CTRB1: variants seen among roughly 807,000 people sequenced by gnomAD.
CTRB1 encodes the protein chymotrypsinogen B1.
CTRB1 carries 15 observed loss-of-function variants against 20.4 expected under a neutral mutation model. The ratio of observed to expected loss-of-function variants is 0.74; its 90% CI spans 0.49 to 1.13. The LOEUF (loss-of-function observed/expected upper bound fraction) is 1.13. Among genes scored for constraint, CTRB1 ranks in the 50% most tolerant of loss-of-function variants. The pLI is 0.00. For missense variants in CTRB1, 227 were observed against 290.1 expected (o/e 0.78, Z 1.58); for synonymous variants, 92 against 128.4 (o/e 0.72, Z 1.92).
intron 1 of CTRB1, among the ~76,000 whole-genome samples, chr16:75,221,983 C>T (rs935506020): frequency 6.6e-6 from 1 of 150,658 alleles, no homozygotes; most frequent in African/African-American, 2.4e-5. Flanking sequence ...ATGGCGTGAA[C>T]CCAGGAGGCG....
chr16:75,219,095 A>G, intron 1 of CTRB1, 36 bp downstream of exon 1: 1 of 1,561,626 alleles, frequency 6.4e-7, no homozygotes, highest in South Asian at 1.2e-5. Flanking sequence ...GTCCTGAGGG[A>G]GCCCTGAGCC....
At chr16:75,222,688 AACCGGGAGAGCTGC>A in intron 1 of CTRB1, 66 bp from the exon 2 acceptor site, 1 of 1,456,042 alleles carries the variant, frequency 6.9e-7, no homozygotes, top group South Asian at 1.3e-5. Context: ...ACTGGGGTAG[AACCGGGAGAGCTGC>A]ACGCAGGCAG....
rs13334993 is a variant in CTRB1 at position 75,224,890 on chromosome 16, C to G, written c.*24C>G. The G allele has an allele frequency of 1.1e-3, 1,694 of 1,612,326 alleles. 19 individuals carry two copies. In the African/African-American group the frequency reaches 0.02, roughly 19 times the overall value. On this transcript the variant is annotated 3_prime_UTR_variant, in exon 7 of 7. Coordinates refer to ENST00000361017, the MANE Select transcript of CTRB1 (RefSeq NM_001906.6). ...GAGCCCGCGGCTCCCTCCGACCCTG[C>G]TCCCCACAGAGCCTCAGTAAACCCA...
intron 1 of CTRB1, among the ~76,000 whole-genome samples, chr16:75,221,420 C>T (rs941167488): frequency 6.6e-6 from 1 of 152,164 alleles, no homozygotes; most frequent in Non-Finnish European, 1.5e-5. Flanking sequence ...AGTGCAGTGG[C>T]ACGATCTCAG....
At position 75,224,137 on chromosome 16, in the gene CTRB1, G is replaced by T. The variant is rs2076714764; in HGVS notation, c.579G>T (p.Arg193Ser). Residue 193 changes from arginine (R) to serine (S), a missense_variant, in exon 6 of 7, where the codon AGG becomes AGT. This residue lies in a region of CTRB1 where 36 missense variants were observed against 51.6 expected (regional missense o/e 0.70). Transcript: ENST00000361017. ...NAECKKSWGR[R>S]ITDVMICAGA... ...AATGCAAGAAGTCCTGGGGCAGGAGGATCACCGACGTGATGATCTGTGCCG... is the reference window on the plus strand; with the variant it reads ...AATGCAAGAAGTCCTGGGGCAGGAGTATCACCGACGTGATGATCTGTGCCG... 6.8e-7 allele frequency: 1 copy of T among 1,460,164 alleles called. No individual in the cohort carries two copies. The highest frequency in any genetic ancestry group is 1.5e-5 in the African/African-American group (1 of 67,796). The allele number at this position is 1,460,164 out of a possible 1,614,324, so 90.5% of individuals were successfully genotyped here. A position where few individuals can be genotyped will look rare whatever the true frequency, so the allele number is the denominator to read the frequency against.
In CTRB1 at chr16:75,219,069, G is replaced by T; in HGVS notation, c.52+10G>T. ...GTGGGGGCCGCCTTTGGTGAGTGCT[G>T]GTGCCCGAGGGGTCTGTCCTGAGGG... On this transcript the variant is annotated intron_variant, in intron 1 of 6. Coordinates refer to ENST00000361017, the MANE Select transcript of CTRB1 (RefSeq NM_001906.6). 6.3e-7 allele frequency: 1 copy of T among 1,582,754 alleles called. No individual in the cohort carries two copies. The highest frequency in any genetic ancestry group is 2.3e-5 in the East Asian group (1 of 43,892).
intron 6 of CTRB1, among the ~76,000 whole-genome samples, chr16:75,224,397 C>T (rs1395074459): frequency 6.6e-6 from 1 of 152,224 alleles, no homozygotes; most frequent in Non-Finnish European, 1.5e-5. Context: ...AGCAGGACAG[C>T]GGGCTCCAGC....
At chr16:75,219,111 G>T (rs748890163) in intron 1 of CTRB1, 52 bp downstream of exon 1, 83 of 1,542,222 alleles carry the variant, frequency 5.4e-5, no homozygotes, top group Non-Finnish European at 6.8e-5. Flanking sequence ...GAGCCTGGCT[G>T]AGAGGGGGAT....
intron 1 of CTRB1, among the ~76,000 whole-genome samples, chr16:75,221,858 C>G (rs937760367): frequency 2.6e-5 from 4 of 151,280 alleles, no homozygotes; most frequent in East Asian, 2.0e-4. Context: ...GTCAGGAGAT[C>G]GAGACCATCC....
At chr16:75,219,672 C>T (rs1484895824) in intron 1 of CTRB1, among the ~76,000 whole-genome samples, 1 of 152,208 alleles carries the variant, frequency 6.6e-6, no homozygotes, top group East Asian at 1.9e-4. Context: ...GCATGAGCTA[C>T]TGTGCCCAGC....
chr16:75,220,503 C>T (rs2039068608), intron 1 of CTRB1, among the ~76,000 whole-genome samples: 1 of 152,136 alleles, frequency 6.6e-6, no homozygotes, highest in Non-Finnish European at 1.5e-5. Flanking sequence ...ATTATGTTGT[C>T]CAGGCTGGTC....
chr16:75,222,630 G>A (rs1338413265), intron 1 of CTRB1, 138 bp from the exon 2 acceptor site: 2 of 874,742 alleles, frequency 2.3e-6, no homozygotes, highest in Admixed American at 2.9e-5. Context: ...GGGGACCAGG[G>A]AGGCGGAGGC....
At chr16:75,220,688 T>G (rs2039070952) in intron 1 of CTRB1, among the ~76,000 whole-genome samples, 1 of 152,264 alleles carries the variant, frequency 6.6e-6, no homozygotes, top group Admixed American at 6.5e-5. Context: ...ACGTGGAGTT[T>G]CAGCTCATTC....
chr16:75,220,182 A>T (rs997461484), intron 1 of CTRB1, among the ~76,000 whole-genome samples: 14 of 141,934 alleles, frequency 9.9e-5, no homozygotes, highest in African/African-American at 3.6e-4. Context: ...TTTTTTTGTT[A>T]TTTTTTTTTC....
rs1467723743 is a variant in CTRB1, at chr16:75,219,030, C to A, written c.23C>A (p.Ser8Tyr). The A allele has an allele frequency of 6.3e-7, 1 of 1,592,858 alleles. No homozygotes were observed. The highest frequency in any genetic ancestry group is 2.3e-5 in the East Asian group (1 of 44,232). The change falls in exon 1 of 7, where the codon TCC (serine) becomes TAC (tyrosine). Residue 8 changes from serine to tyrosine, a missense_variant. Coordinates refer to ENST00000361017, the MANE Select transcript of CTRB1 (RefSeq NM_001906.6). Reference protein sequence around the residue: MASLWLLSCFSLVGAAFG... With the variant: MASLWLLYCFSLVGAAFG... ...GGCATGGCTTCCCTCTGGCTCCTCT[C>A]CTGCTTCTCCCTTGTGGGGGCCGCC... is the stretch of plus-strand genomic sequence containing the variant.
chr16:75,224,555 C>G, intron 6 of CTRB1, 150 bp from the exon 7 acceptor site: 2 of 940,388 alleles, frequency 2.1e-6, no homozygotes, highest in South Asian at 3.3e-5. Flanking sequence ...TAAGCAGCTA[C>G]TAGGGTCTTT....
intron 1 of CTRB1, among the ~76,000 whole-genome samples, chr16:75,220,969 G>A (rs2039074872): frequency 6.6e-6 from 1 of 152,134 alleles, no homozygotes; most frequent in Non-Finnish European, 1.5e-5. Flanking sequence ...TATTGGCCAG[G>A]CTGGTCTTGA....
Position 75,222,657 on chromosome 16 carries a change from G to A in CTRB1, c.53-111G>A, listed in dbSNP as rs764474836. ...GGCGGAGGCGGCATGTGCCAGGGAG[G>A]TCCTGAGCTGGCTTCAGTGGACTGG... On this transcript the variant is annotated intron_variant, in intron 1 of 6. Coordinates refer to ENST00000361017, the MANE Select transcript of CTRB1 (RefSeq NM_001906.6). 1.5e-5 allele frequency: 18 copies of A among 1,226,736 alleles called. 1 individual carries two copies. In the South Asian group the frequency reaches 2.7e-4, roughly 19 times the overall value. The allele number at this position is 1,226,736 out of a possible 1,614,324, so 76.0% of individuals were successfully genotyped here. A position where few individuals can be genotyped will look rare whatever the true frequency, so the allele number is the denominator to read the frequency against.
chr16:75,224,883 G>C lies in CTRB1; in HGVS notation c.*17G>C, dbSNP rs199606765. 6.8e-6 allele frequency: 11 copies of C among 1,612,650 alleles called. No individual in the cohort carries two copies. In the African/African-American group the frequency reaches 1.3e-4, roughly 20 times the overall value. On this transcript the variant is annotated 3_prime_UTR_variant, in exon 7 of 7. Coordinates refer to ENST00000361017, the MANE Select transcript of CTRB1 (RefSeq NM_001906.6). Reference sequence around the variant, plus strand: ...GCCAACTGAGCCCGCGGCTCCCTCCGACCCTGCTCCCCACAGAGCCTCAGT... The same window carrying C: ...GCCAACTGAGCCCGCGGCTCCCTCCCACCCTGCTCCCCACAGAGCCTCAGT...
Sources: gnomAD v4.1 joint callset for allele counts (sites outside exome capture counted in the v4.1 genomes callset) on GRCh38, gnomAD v4.1.1 for gene constraint, gnomAD v4.1.1 regional missense constraint, MANE v1.5 for transcripts, NCBI Gene and HGNC (gene_info 2026-07-23, HGNC 2026-07-21) for gene names.